ATIC: variants seen among roughly 807,000 people sequenced by gnomAD.
ATIC encodes the protein bifunctional purine biosynthesis protein ATIC.
Under a neutral mutation model 72.5 loss-of-function variants are expected in ATIC, and 64 were observed. The ratio of observed to expected loss-of-function variants is 0.88; its 90% confidence interval spans 0.72 to 1.09. The LOEUF (loss-of-function observed/expected upper bound fraction) is 1.09. Among genes scored for constraint, ATIC ranks in the 50% least tolerant of loss-of-function variants. The pLI is 0.00. For missense variants in ATIC, 787 were observed against 732.4 expected (o/e 1.07, Z -0.86); for synonymous variants, 281 against 267.1 (o/e 1.05, Z -0.51).
At chr2:215,333,512 C>G in intron 9 of ATIC, 55 bp downstream of exon 9, 1 of 1,415,238 alleles carries the variant, frequency 7.1e-7, no homozygotes, top group African/African-American at 1.4e-5. Context: ...AATATTTTAT[C>G]CTAAATAGAA....
the ATIC span, among the ~76,000 whole-genome samples, chr2:215,368,494 T>G: frequency 1.3e-5 from 2 of 152,210 alleles, no homozygotes; most frequent in African/African-American, 4.8e-5. Context: ...TTGTGAAGAT[T>G]ATATAAGGCC....
chr2:215,331,603 C>T (rs908843914), intron 7 of ATIC, among the ~76,000 whole-genome samples: 14 of 151,990 alleles, frequency 9.2e-5, no homozygotes, highest in African/African-American at 3.1e-4. Context: ...AGGCTGATCT[C>T]GAACTCCTGA....
chr2:215,324,574 T>C (rs1317164614), intron 4 of ATIC, among the ~76,000 whole-genome samples: 1 of 152,212 alleles, frequency 6.6e-6, no homozygotes, highest in Non-Finnish European at 1.5e-5. Flanking sequence ...CTTCTGTTTT[T>C]GTTTTTGTTT....
At chr2:215,364,380 G>GAA in the ATIC span, 1 of 218,756 alleles carries the variant, frequency 4.6e-6, no homozygotes, top group African/African-American at 2.3e-5. Flanking sequence ...GAGCTACACT[G>GAA]CACTTAACAC....
chr2:215,337,630 G>A (rs1033372527), intron 11 of ATIC, among the ~76,000 whole-genome samples: 13 of 152,202 alleles, frequency 8.5e-5, no homozygotes, highest in African/African-American at 2.9e-4. Context: ...GCCTCCCAAA[G>A]TGTTGGGATT....
Position 215,327,024 on chromosome 2 carries a change from T to C in ATIC, c.688+46T>C, listed in dbSNP as rs749563475. 2.7e-5 allele frequency: 44 copies of C among 1,612,476 alleles called. 2 individuals are homozygous for C. The Middle Eastern group carries it at 5.0e-4, about 18-fold the overall frequency. On this transcript the variant is annotated intron_variant, in intron 7 of 15. Coordinates refer to ENST00000236959, the MANE Select transcript of ATIC (RefSeq NM_004044.7). ...GGCATGGTTTGCTGTGCCTGGAGAG[T>C]GTGTGTTTCTCTGTATTGCATCTGA...
chr2:215,362,221 T>C, the ATIC span: 1 of 693,542 alleles, frequency 1.4e-6, no homozygotes, highest in Non-Finnish European at 2.6e-6. Context: ...GCTTTGATGA[T>C]GATTTCATGC....
chr2:215,324,185 C>T (rs2052798256), intron 4 of ATIC, among the ~76,000 whole-genome samples: 2 of 152,260 alleles, frequency 1.3e-5, no homozygotes, highest in African/African-American at 4.8e-5. Flanking sequence ...GCATGAGCCA[C>T]TGCGCCTGGC....
the ATIC span, chr2:215,364,918 G>T: frequency 6.4e-7 from 1 of 1,573,420 alleles, no homozygotes. Flanking sequence ...AAATGGCACC[G>T]AGATATTCCT....
At position 215,318,139 on chromosome 2, in the gene ATIC, T is replaced by A; in HGVS notation, c.147-18T>A. On this transcript the variant is annotated intron_variant, in intron 2 of 15. Coordinates refer to ENST00000236959, the MANE Select transcript of ATIC (RefSeq NM_004044.7). ...TTCAGCCACACCAGTAGTACCATTC[T>A]GTTTATCTGTTTTTCAGAGATGTCT... 1 of 1,608,898 alleles carries A rather than the reference T, an allele frequency of 6.2e-7. No individual in the cohort carries two copies. The highest frequency in any genetic ancestry group is 8.5e-7 in the Non-Finnish European group (1 of 1,175,270).
In ATIC at chr2:215,349,684, T is replaced by G; in HGVS notation, c.*29T>G. On this transcript the variant is annotated 3_prime_UTR_variant, in exon 16 of 16. Coordinates refer to ENST00000236959, the MANE Select transcript of ATIC (RefSeq NM_004044.7). Reference sequence around the variant, plus strand: ...TACCACACACTGTTTTTTGGCTTGCTTATGTGTAGGTGAACAGTCACGCCT... The same window carrying G: ...TACCACACACTGTTTTTTGGCTTGCGTATGTGTAGGTGAACAGTCACGCCT... 1 of 1,614,176 alleles carries G rather than the reference T, an allele frequency of 6.2e-7. No individual in the cohort carries two copies. The highest frequency in any genetic ancestry group is 2.2e-5 in the East Asian group (1 of 44,884).
chr2:215,340,374 G>T (rs552644081), intron 12 of ATIC, among the ~76,000 whole-genome samples: 244 of 152,246 alleles, frequency 1.6e-3, no homozygotes, highest in African/African-American at 5.4e-3. Flanking sequence ...ATTTTTTGGA[G>T]TATCTTAATT....
At chr2:215,322,988 A>G (rs995561722) in intron 4 of ATIC, among the ~76,000 whole-genome samples, 3 of 152,158 alleles carry the variant, frequency 2.0e-5, no homozygotes, top group African/African-American at 7.2e-5. Flanking sequence ...TCTGTTGCCC[A>G]GGCTGGAGTG....
At chr2:215,346,492 T>C (rs1412281921) in intron 13 of ATIC, among the ~76,000 whole-genome samples, 1 of 150,418 alleles carries the variant, frequency 6.6e-6, no homozygotes, top group Non-Finnish European at 1.5e-5. Flanking sequence ...TTTTTTTTTT[T>C]GACCTCAAAC....
intron 10 of ATIC, among the ~76,000 whole-genome samples, chr2:215,335,616 C>T (rs1210738729): frequency 6.6e-6 from 1 of 152,158 alleles, no homozygotes; most frequent in African/African-American, 2.4e-5. Context: ...TTGTATCTTT[C>T]GTCATGTCAA....
chr2:215,348,955 TAAAAAA>T, intron 14 of ATIC, 133 bp from the exon 15 acceptor site: 2 of 555,292 alleles, frequency 3.6e-6, no homozygotes, highest in Non-Finnish European at 5.3e-6. Context: ...AAACTCCGTC[TAAAAAA>T]AAAAAAATAA....
chr2:215,333,410 T>G lies in ATIC; in HGVS notation c.875T>G (p.Leu292Arg), dbSNP rs771716973. The G allele has an allele frequency of 6.2e-7, 1 of 1,614,116 alleles. No individual in the cohort carries two copies. The highest frequency in any genetic ancestry group is 8.5e-7 in the Non-Finnish European group (1 of 1,180,012). ...DEAKVCMVYD[L>R]YKTLTPISAA... ...GCCAAAGTCTGCATGGTTTATGATCTCTATAAAACCCTCACACCCATCTCA... is the reference window on the plus strand; with the variant it reads ...GCCAAAGTCTGCATGGTTTATGATCGCTATAAAACCCTCACACCCATCTCA... Residue 292 changes from leucine (L) to arginine (R), a missense_variant, in exon 9 of 16, where the codon CTC becomes CGC. Leu to Arg is a moderately radical substitution (Grantham distance 102). Transcript: ENST00000236959.
At chr2:215,317,233 A>G (rs1280323256) in intron 2 of ATIC, among the ~76,000 whole-genome samples, 1 of 151,838 alleles carries the variant, frequency 6.6e-6, no homozygotes, top group Non-Finnish European at 1.5e-5. Context: ...TATTTTTTCT[A>G]GTTTACTTTT....
rs1327150251 is a variant in ATIC, at chr2:215,336,039, C to G, written c.1013C>G (p.Ser338Cys). ...PTAKIISREV[S>C]DGIIAPGYEE... ...TAAAATTTAATATTTTTGCAGGTATCTGATGGTATAATTGCCCCAGGATAT... is the reference window on the plus strand; with the variant it reads ...TAAAATTTAATATTTTTGCAGGTATGTGATGGTATAATTGCCCCAGGATAT... Residue 338 changes from serine to cysteine, a missense_variant, in exon 11 of 16, where the codon TCT becomes TGT. Ser to Cys is a moderately radical substitution (Grantham distance 112, BLOSUM62 -1). Coordinates refer to ENST00000236959, the MANE Select transcript of ATIC (RefSeq NM_004044.7). The G allele has an allele frequency of 6.2e-7, 1 of 1,607,502 alleles. No homozygotes were observed. Among genetic ancestry groups the G allele is most frequent in the Non-Finnish European group, 8.5e-7 (1 of 1,175,512 alleles).
Sources: allele counts gnomAD v4.1 joint callset (sites outside exome capture counted in the v4.1 genomes callset), GRCh38; gene constraint gnomAD v4.1.1; transcripts MANE v1.5; gene names NCBI Gene and HGNC (gene_info 2026-07-23, HGNC 2026-07-21).